MEF2A: variants seen among roughly 807,000 people sequenced by gnomAD.
The protein encoded by MEF2A is myocyte-specific enhancer factor 2A.
In MEF2A, 28 loss-of-function variants were observed where a neutral mutation model predicts 55.8. That is an observed-to-expected ratio of 0.50 (90% CI 0.37 to 0.69). The LOEUF is 0.69. Ranked by LOEUF, MEF2A falls within the 30% of genes least tolerant of loss-of-function variation. MEF2A has a pLI of 0.00. For synonymous variants in MEF2A, 239 were observed against 227.1 expected (o/e 1.05, Z -0.47); for missense variants, 528 against 626.2 (o/e 0.84, Z 1.67).
chr15:99,661,881 C>G (rs2048706470), intron 4 of MEF2A, among the ~76,000 whole-genome samples: 5 of 151,894 alleles, frequency 3.3e-5, no homozygotes, highest in Admixed American at 3.3e-4. Context: ...GAAGCCACTC[C>G]AATGTCTGTC....
At chr15:99,587,175 T>G (rs1468927786) in intron 1 of MEF2A, among the ~76,000 whole-genome samples, 1 of 152,134 alleles carries the variant, frequency 6.6e-6, no homozygotes, top group Admixed American at 6.5e-5. Flanking sequence ...ATCATCTGCA[T>G]TAGGTATTTC....
chr15:99,675,543 G>T, intron 7 of MEF2A, 85 bp downstream of exon 7: 2 of 1,240,244 alleles, frequency 1.6e-6, no homozygotes, highest in Non-Finnish European at 1.2e-6. Flanking sequence ...AAAGCTTTCT[G>T]GGAAATTTCC....
chr15:99,582,927 A>T (rs771413005), intron 1 of MEF2A, among the ~76,000 whole-genome samples: 5 of 152,152 alleles, frequency 3.3e-5, no homozygotes, highest in Non-Finnish European at 7.4e-5. Context: ...TTAGGGCAGT[A>T]GCTATAAATC....
chr15:99,702,491 G>A (rs2057524130), intron 8 of MEF2A, among the ~76,000 whole-genome samples: 1 of 146,476 alleles, frequency 6.8e-6, no homozygotes, highest in African/African-American at 2.5e-5. Context: ...GCAGTGGCGT[G>A]ATCTCAGCTC....
chr15:99,624,939 G>T (rs1463418782), intron 2 of MEF2A, among the ~76,000 whole-genome samples: 1 of 152,008 alleles, frequency 6.6e-6, no homozygotes, highest in Admixed American at 6.6e-5. Context: ...TTTGACTTAC[G>T]ATTTTTCGAC....
Position 99,622,702 on chromosome 15 carries a change from C to CTTTCTTTT in MEF2A, c.-142-10273_-142-10272insCTTTTTTT, listed in dbSNP as rs1555461506. Among the ~76,000 whole-genome samples, 975 of 135,692 alleles carry CTTTCTTTT rather than the reference C, an allele frequency of 7.2e-3. 18 individuals are homozygous for CTTTCTTTT. The highest frequency in any genetic ancestry group is 0.023 in the African/African-American group (898 of 38,436). 89.0% of individuals were successfully genotyped at this position (135,692 alleles called of 152,430 possible). On this transcript the variant is annotated intron_variant, in intron 2 of 11. Coordinates refer to ENST00000557942, the MANE Select transcript of MEF2A (RefSeq NM_001319206.4). ...ATCCTTCTTTAGGATGTTTTCTTTTCTTTTTTTTTTTCTTTTTTGAGATGG... is the reference window on the plus strand; with the variant it reads ...ATCCTTCTTTAGGATGTTTTCTTTTCTTTCTTTTTTTTTTTTTTTCTTTTTTGAGATGG...
intron 3 of MEF2A, among the ~76,000 whole-genome samples, chr15:99,639,047 A>G (rs1056065448): frequency 4.3e-4 from 65 of 152,346 alleles, no homozygotes; most frequent in Non-Finnish European, 6.8e-4. Flanking sequence ...CTTAAAAAAA[A>G]GAAAGAAAGC....
chr15:99,637,395 A>G (rs948947578), intron 3 of MEF2A, among the ~76,000 whole-genome samples: 5 of 152,072 alleles, frequency 3.3e-5, no homozygotes, highest in African/African-American at 1.2e-4. Flanking sequence ...TTTTTGTTAT[A>G]TTTATTAGTA....
intron 4 of MEF2A, among the ~76,000 whole-genome samples, chr15:99,662,571 G>C (rs2048838454): frequency 6.6e-6 from 1 of 151,662 alleles, no homozygotes. Flanking sequence ...ACCTCCTGGG[G>C]TTAAAGCGAT....
intron 2 of MEF2A, among the ~76,000 whole-genome samples, chr15:99,629,294 G>T (rs1324318756): frequency 1.3e-5 from 2 of 152,130 alleles, no homozygotes; most frequent in Admixed American, 6.5e-5. Flanking sequence ...TCGAACAAAG[G>T]ATTCTTAGCA....
At chr15:99,640,888 A>G (rs564848247) in intron 3 of MEF2A, among the ~76,000 whole-genome samples, 10 of 151,370 alleles carry the variant, frequency 6.6e-5, no homozygotes, top group South Asian at 2.1e-4. Context: ...TTATCTTTCA[A>G]CCTTACTGTT....
chr15:99,688,617 C>T (rs890296527), intron 7 of MEF2A, among the ~76,000 whole-genome samples: 3 of 152,058 alleles, frequency 2.0e-5, no homozygotes, highest in African/African-American at 4.8e-5. Context: ...ATTAGCCGGG[C>T]GTGGTGGCGG....
chr15:99,706,667 G>A, intron 9 of MEF2A, 62 bp from the exon 10 acceptor site: 3 of 1,565,686 alleles, frequency 1.9e-6, no homozygotes, highest in Non-Finnish European at 2.6e-6. Flanking sequence ...TAAATTGAAA[G>A]TGATTTTTAA....
chr15:99,715,915 G>C lies in MEF2A; in HGVS notation c.*3144G>C, dbSNP rs1042201345. On this transcript the variant is annotated 3_prime_UTR_variant, in exon 12 of 12. Transcript: ENST00000557942. ...CCATTTTGTTATAGACTAAATCAGG[G>C]GTTTGTTCTACAAGAACAATACATG... is the stretch of plus-strand genomic sequence containing the variant. 6.6e-6 allele frequency: 1 copy of C among 152,160 alleles called. No homozygotes were observed. The highest frequency in any genetic ancestry group is 2.4e-5 in the African/African-American group (1 of 41,294). 9.4% of individuals were successfully genotyped at this position (152,160 alleles called of 1,614,324 possible). A position where few individuals can be genotyped will look rare whatever the true frequency, so the allele number is the denominator to read the frequency against.
At chr15:99,672,705 T>G (rs925634840) in intron 5 of MEF2A, among the ~76,000 whole-genome samples, 1 of 152,192 alleles carries the variant, frequency 6.6e-6, no homozygotes, top group Admixed American at 6.5e-5. Context: ...TTTTCAAAAT[T>G]TGGAATATTT....
intron 1 of MEF2A, among the ~76,000 whole-genome samples, chr15:99,581,133 C>T (rs1965790327): frequency 6.6e-6 from 1 of 152,020 alleles, no homozygotes; most frequent in African/African-American, 2.4e-5. Context: ...TACTTGTGAA[C>T]ATTTCTTTCC....
At chr15:99,579,431 G>A (rs1965278591) in intron 1 of MEF2A, among the ~76,000 whole-genome samples, 1 of 151,708 alleles carries the variant, frequency 6.6e-6, no homozygotes, top group Admixed American at 6.6e-5. Context: ...GTCTCACTCT[G>A]TCACCCAGGC....
chr15:99,695,057 A>G (rs2056212204), intron 8 of MEF2A, among the ~76,000 whole-genome samples: 1 of 148,892 alleles, frequency 6.7e-6, no homozygotes, highest in Non-Finnish European at 1.5e-5. Flanking sequence ...TATCTTGTGT[A>G]TTTTCTGCCC....
At chr15:99,678,960 C>G (rs371603110) in intron 7 of MEF2A, among the ~76,000 whole-genome samples, 18 of 151,836 alleles carry the variant, frequency 1.2e-4, no homozygotes, top group East Asian at 9.6e-4. Context: ...CATCACTTCA[C>G]AAAAGAAATG....
Sources: gnomAD v4.1 joint callset for allele counts (sites outside exome capture counted in the v4.1 genomes callset) on GRCh38, gnomAD v4.1.1 for gene constraint, MANE v1.5 for transcripts, NCBI Gene and HGNC (gene_info 2026-07-23, HGNC 2026-07-21) for gene names.